PRCP: variants seen among roughly 807,000 people sequenced by gnomAD.
The protein encoded by PRCP is lysosomal Pro-X carboxypeptidase.
A neutral mutation model predicts 54.2 loss-of-function variants in PRCP; 46 were observed. That is an observed-to-expected ratio of 0.85 (90% confidence interval 0.67 to 1.09). The LOEUF is 1.09. Among genes scored for constraint, PRCP ranks in the 50% least tolerant of loss-of-function variants. PRCP has a pLI of 0.00. For synonymous variants in PRCP, 240 were observed against 212.2 expected, an observed-to-expected ratio of 1.13 and a Z score of -1.14; for missense variants, 613 against 596.8, an observed-to-expected ratio of 1.03 and a Z score of -0.28.
chr11:82,856,037 G>A (rs1020063873), intron 2 of PRCP, among the ~76,000 whole-genome samples: 2 of 152,122 alleles, frequency 1.3e-5, no homozygotes, highest in East Asian at 1.9e-4. Flanking sequence ...CAGGTGTGGC[G>A]GCTCATGCCT....
chr11:82,887,691 C>T (rs1859896696), intron 1 of PRCP, among the ~76,000 whole-genome samples: 1 of 152,154 alleles, frequency 6.6e-6, no homozygotes, highest in Admixed American at 6.5e-5. Flanking sequence ...AACTAGGACC[C>T]TTCTTCCTGA....
In PRCP at chr11:82,864,031, T is replaced by C. The variant is rs1199715744; in HGVS notation, c.169-3914A>G. Among the ~76,000 whole-genome samples the C allele has an allele frequency of 3.9e-5, 6 of 152,222 alleles. No individual in the cohort carries two copies. The East Asian group carries it at 9.6e-4, about 24-fold the overall frequency. On this transcript the variant is annotated intron_variant, in intron 1 of 8. Transcript: ENST00000313010. ...ACAATTCAAAGGATTTCTGTGAGGA[T>C]AGGGAAAATGCACCTAATGTACCAG... is the stretch of plus-strand genomic sequence containing the variant.
intron 1 of PRCP, among the ~76,000 whole-genome samples, chr11:82,871,177 C>CTTTTTTTT (rs146234682): frequency 8.5e-6 from 1 of 117,410 alleles, no homozygotes; most frequent in Non-Finnish European, 1.7e-5. Flanking sequence ...AAATGTTTCT[C>CTTTTTTTT]TTTTTTTTTT....
At chr11:82,878,177 C>A (rs564536754) in intron 1 of PRCP, among the ~76,000 whole-genome samples, 1 of 152,300 alleles carries the variant, frequency 6.6e-6, no homozygotes, top group African/African-American at 2.4e-5. Flanking sequence ...AATACCTGTA[C>A]CCACATTGTA....
At chr11:82,845,217 T>G (rs1858778917) in intron 6 of PRCP, among the ~76,000 whole-genome samples, 1 of 152,200 alleles carries the variant, frequency 6.6e-6, no homozygotes, top group Admixed American at 6.5e-5. Context: ...TAATCAGATC[T>G]GCAACCAAGT....
intron 1 of PRCP, among the ~76,000 whole-genome samples, chr11:82,867,826 G>T (rs1204532862): frequency 3.3e-5 from 5 of 152,028 alleles, no homozygotes. Flanking sequence ...GGGCTCAGGC[G>T]ATCCTCCTTC....
At chr11:82,856,988 T>G (rs1045067902) in intron 2 of PRCP, among the ~76,000 whole-genome samples, 1 of 139,022 alleles carries the variant, frequency 7.2e-6, no homozygotes, top group Non-Finnish European at 1.5e-5. Flanking sequence ...GTAGCCGAGA[T>G]AGCGCCACTG....
intron 1 of PRCP, among the ~76,000 whole-genome samples, chr11:82,890,415 T>A (rs1859977384): frequency 6.6e-6 from 1 of 152,322 alleles, no homozygotes; most frequent in Admixed American, 6.5e-5. Context: ...CCAGTTTGAC[T>A]ATGGTCAAAC....
intron 1 of PRCP, among the ~76,000 whole-genome samples, chr11:82,881,923 A>G (rs1859757197): frequency 1.3e-5 from 2 of 152,236 alleles, no homozygotes; most frequent in African/African-American, 4.8e-5. Flanking sequence ...ACTATTGACC[A>G]GAAGCCTTAC....
At chr11:82,893,913 T>C (rs1396823229) in intron 1 of PRCP, among the ~76,000 whole-genome samples, 1 of 152,252 alleles carries the variant, frequency 6.6e-6, no homozygotes, top group Non-Finnish European at 1.5e-5. Context: ...GGATAATATT[T>C]ACGGTATTTG....
intron 1 of PRCP, among the ~76,000 whole-genome samples, chr11:82,896,878 C>T (rs1426081970): frequency 6.6e-6 from 1 of 151,990 alleles, no homozygotes; most frequent in Non-Finnish European, 1.5e-5. Context: ...GAGAGAGAAA[C>T]ACACAGACAC....
At chr11:82,871,138 G>A (rs1319546643) in intron 1 of PRCP, among the ~76,000 whole-genome samples, 1 of 146,982 alleles carries the variant, frequency 6.8e-6, no homozygotes, top group Admixed American at 6.8e-5. Flanking sequence ...ATGTGTTACT[G>A]ATTTTCTTCC....
chr11:82,835,836 T>A (rs4469914), intron 8 of PRCP: 65,495 of 492,164 alleles, frequency 0.13, 4,775 homozygotes, highest in Middle Eastern at 0.18. Context: ...GAGGAGGACC[T>A]TGACATTATG....
At chr11:82,831,430 C>T (rs1186250816) in intron 8 of PRCP, 1 of 152,228 alleles carries the variant, frequency 6.6e-6, no homozygotes, top group African/African-American at 2.4e-5. Context: ...CTGTTGCTTA[C>T]TTCCACAATA....
At chr11:82,866,641 T>A (rs548067135) in intron 1 of PRCP, among the ~76,000 whole-genome samples, 1 of 152,170 alleles carries the variant, frequency 6.6e-6, no homozygotes, top group Non-Finnish European at 1.5e-5. Flanking sequence ...CAGCCTCCTA[T>A]ACTCAGATGG....
At chr11:82,895,905 T>C (rs1860109662) in intron 1 of PRCP, among the ~76,000 whole-genome samples, 1 of 152,166 alleles carries the variant, frequency 6.6e-6, no homozygotes. Flanking sequence ...AGCCCACTGA[T>C]GTGATCCCCT....
intron 1 of PRCP, among the ~76,000 whole-genome samples, chr11:82,886,475 G>C (rs934269730): frequency 1.3e-5 from 2 of 151,986 alleles, no homozygotes; most frequent in African/African-American, 4.8e-5. Context: ...TTAAAGACAG[G>C]GTCTTGCTTT....
At chr11:82,884,356 G>T (rs534157769) in intron 1 of PRCP, among the ~76,000 whole-genome samples, 1 of 152,080 alleles carries the variant, frequency 6.6e-6, no homozygotes, top group African/African-American at 2.4e-5. Flanking sequence ...CCAGGAATTC[G>T]AGACCAACCT....
At chr11:82,860,744 C>A (rs1187573713) in intron 1 of PRCP, among the ~76,000 whole-genome samples, 1 of 152,088 alleles carries the variant, frequency 6.6e-6, no homozygotes, top group East Asian at 1.9e-4. Context: ...GGTCCATAAA[C>A]CTTGTCACCC....
Sources: allele counts gnomAD v4.1 joint callset (sites outside exome capture counted in the v4.1 genomes callset), GRCh38; gene constraint gnomAD v4.1.1; transcripts MANE v1.5; gene names NCBI Gene and HGNC (gene_info 2026-07-23, HGNC 2026-07-21).